Variants in TFDP2 observed in about 807,000 individuals in gnomAD.
The protein encoded by TFDP2 is transcription factor Dp-2.
In TFDP2, 17 loss-of-function variants were observed where a neutral mutation model predicts 59.3. That is an observed-to-expected ratio of 0.29 (90% confidence interval 0.20 to 0.43). The LOEUF (loss-of-function observed/expected upper bound fraction) is 0.43. Ranked by LOEUF, TFDP2 falls within the 20% of genes least tolerant of loss-of-function variation. TFDP2 has a pLI of 1.00. For synonymous variants in TFDP2, 180 were observed against 194.7 expected (o/e 0.92, Z 0.63); for missense variants, 391 against 528.8 (o/e 0.74, Z 2.56).
At chr3:142,068,201 AG>A (rs955240044) in intron 3 of TFDP2, among the ~76,000 whole-genome samples, 2 of 152,136 alleles carry the variant, frequency 1.3e-5, no homozygotes, top group Non-Finnish European at 2.9e-5. Context: ...TCAATAAATG[AG>A]GCCAAATGAA....
At chr3:142,108,919 T>C (rs2061561936) in intron 1 of TFDP2, among the ~76,000 whole-genome samples, 3 of 152,192 alleles carry the variant, frequency 2.0e-5, no homozygotes, top group Admixed American at 2.0e-4. Flanking sequence ...CATCTTCCTT[T>C]AGATCCTTTC....
intron 3 of TFDP2, among the ~76,000 whole-genome samples, chr3:142,074,755 G>A (rs2060383856): frequency 1.3e-5 from 2 of 152,168 alleles, no homozygotes; most frequent in African/African-American, 4.8e-5. Flanking sequence ...GGGAGGCTGA[G>A]GCATGAGAAT....
At chr3:142,046,297 G>C (rs1458463619) in intron 3 of TFDP2, among the ~76,000 whole-genome samples, 1 of 152,130 alleles carries the variant, frequency 6.6e-6, no homozygotes, top group African/African-American at 2.4e-5. Context: ...TTATTAAACT[G>C]TTCTCTTTAC....
At chr3:142,116,381 G>T (rs1279038109) in intron 1 of TFDP2, among the ~76,000 whole-genome samples, 1 of 151,972 alleles carries the variant, frequency 6.6e-6, no homozygotes, top group Non-Finnish European at 1.5e-5. Flanking sequence ...TCTCTTAAGA[G>T]GAAAAAAGAA....
chr3:142,100,033 A>G (rs2061273361), intron 2 of TFDP2, among the ~76,000 whole-genome samples: 1 of 152,228 alleles, frequency 6.6e-6, no homozygotes, highest in African/African-American at 2.4e-5. Context: ...CAAAATCTGT[A>G]TCTGCTTCTA....
At chr3:141,985,291 G>C (rs1248571666) in intron 6 of TFDP2, among the ~76,000 whole-genome samples, 1 of 151,986 alleles carries the variant, frequency 6.6e-6, no homozygotes, top group Non-Finnish European at 1.5e-5. Context: ...CACTTTAGGA[G>C]GCCGAGGCAG....
chr3:142,016,301 C>T (rs1040357487), intron 3 of TFDP2, among the ~76,000 whole-genome samples: 4 of 72,706 alleles, frequency 5.5e-5, no homozygotes, highest in Admixed American at 3.4e-4. Context: ...CGCCCAGCAA[C>T]ATTTTTTTTT....
chr3:142,076,418 T>C (rs529387503), intron 3 of TFDP2, among the ~76,000 whole-genome samples: 2 of 152,054 alleles, frequency 1.3e-5, no homozygotes, highest in South Asian at 4.1e-4. Context: ...GATAGGTAAA[T>C]TGTAATATAT....
chr3:142,056,194 T>C (rs9810193), intron 3 of TFDP2, among the ~76,000 whole-genome samples: 134,538 of 151,090 alleles, frequency 0.89, 60,147 homozygotes, highest in African/African-American at 0.97. Flanking sequence ...CCTCATGATC[T>C]GCCCACCTCG....
intron 8 of TFDP2, 152 bp from the exon 9 acceptor site, chr3:141,970,293 G>C (rs994910467): frequency 1.5e-5 from 10 of 671,134 alleles, no homozygotes; most frequent in Non-Finnish European, 2.6e-5. Flanking sequence ...TCTTTGTAGG[G>C]GGCAGGGGCT....
intron 3 of TFDP2, among the ~76,000 whole-genome samples, chr3:142,080,452 C>A (rs2060599037): frequency 6.6e-6 from 1 of 152,026 alleles, no homozygotes; most frequent in South Asian, 2.1e-4. Context: ...GAGAACATCA[C>A]AAAACAACCA....
At chr3:141,987,858 A>T (rs975570074) in intron 6 of TFDP2, among the ~76,000 whole-genome samples, 2 of 150,980 alleles carry the variant, frequency 1.3e-5, no homozygotes, top group Non-Finnish European at 2.9e-5. Flanking sequence ...AGAATCGCTT[A>T]AACTCAGGAG....
rs889338509 is a variant in TFDP2, at chr3:142,149,312, C to T, written c.-222G>A. On this transcript the variant is annotated 5_prime_UTR_variant, in exon 1 of 13. Transcript: ENST00000489671. ...GGCCGGGTCCCGGTGGACTCACACCCGGGGAGACGCGGCCTGCCCGGTCAA... is the reference window on the plus strand; with the variant it reads ...GGCCGGGTCCCGGTGGACTCACACCTGGGGAGACGCGGCCTGCCCGGTCAA... The T allele has an allele frequency of 2.0e-5, 8 of 394,680 alleles. No individual in the cohort carries two copies. The highest frequency in any genetic ancestry group is 4.1e-5 in the African/African-American group (2 of 48,384). The allele number at this position is 394,680 out of a possible 1,614,324, so 24.4% of individuals were successfully genotyped here.
At position 141,978,217 on chromosome 3, in the gene TFDP2, C is replaced by T. The variant is rs143237831; in HGVS notation, c.519+303G>A. Among the ~76,000 whole-genome samples, 829 of 151,616 alleles carry T rather than the reference C, an allele frequency of 5.5e-3. 3 individuals carry two copies. The highest frequency in any genetic ancestry group is 7.7e-3 in the Non-Finnish European group (520 of 67,858). On this transcript the variant is annotated intron_variant, in intron 7 of 12. Coordinates refer to ENST00000489671, the MANE Select transcript of TFDP2 (RefSeq NM_001178139.2). ...AAAATTGGCTGGGAATGGTGGTGTG[C>T]GCCTGTAATCCCAGCTACGCGGGAG... is the stretch of plus-strand genomic sequence containing the variant.
At chr3:142,094,799 T>C (rs2061110638) in intron 2 of TFDP2, among the ~76,000 whole-genome samples, 1 of 152,212 alleles carries the variant, frequency 6.6e-6, no homozygotes, top group South Asian at 2.1e-4. Flanking sequence ...ATTGTGTATA[T>C]GTGTGTTGCG....
chr3:141,973,123 A>ATATATTTTTTT, intron 8 of TFDP2, among the ~76,000 whole-genome samples: 1 of 58,018 alleles, frequency 1.7e-5, no homozygotes, highest in Non-Finnish European at 3.7e-5. Context: ...ATATATATAT[A>ATATATTTTTTT]TTTTTTTTTT....
chr3:142,012,414 T>C (rs1576697723), intron 3 of TFDP2, among the ~76,000 whole-genome samples: 1 of 152,342 alleles, frequency 6.6e-6, no homozygotes, highest in African/African-American at 2.4e-5. Flanking sequence ...TGATTGACAA[T>C]GGGCATACCC....
chr3:142,141,774 T>C lies in TFDP2; in HGVS notation c.-93+7409A>G, dbSNP rs1238419306. 2.0e-5 allele frequency among the ~76,000 whole-genome samples: 3 copies of C among 151,614 alleles called. No individual in the cohort carries two copies. The East Asian group carries it at 5.8e-4, about 29-fold the overall frequency. The stretch of plus-strand genomic sequence containing the variant: ...GGAGTCGGAGGTTGCAGTGAGCCGA[T>C]ATCATGCCACTGCACTCCAGCCTGG... On this transcript the variant is annotated intron_variant, in intron 1 of 12. Coordinates refer to ENST00000489671, the MANE Select transcript of TFDP2 (RefSeq NM_001178139.2).
At chr3:142,093,866 C>G in intron 2 of TFDP2, 2 of 399,306 alleles carry the variant, frequency 5.0e-6, no homozygotes, top group South Asian at 4.0e-5. Context: ...CTTAGCAATT[C>G]AGGTTGTTAT....
Sources: gnomAD v4.1 joint callset for allele counts (sites outside exome capture counted in the v4.1 genomes callset) on GRCh38, gnomAD v4.1.1 for gene constraint, MANE v1.5 for transcripts, NCBI Gene and HGNC (gene_info 2026-07-23, HGNC 2026-07-21) for gene names.